The following MINDY2 variants were observed in gnomAD, a reference collection of about 807,000 sequenced individuals.
The protein encoded by MINDY2 is MINDY lysine 48 deubiquitinase 2.
In MINDY2, 52 loss-of-function variants were observed where a neutral mutation model predicts 68.2. The observed-to-expected ratio is 0.76, with a 90% CI of 0.61 to 0.96. The LOEUF (loss-of-function observed/expected upper bound fraction) is 0.96. MINDY2 is among the 40% of genes least tolerant of loss of function. The pLI, the probability that MINDY2 is intolerant of heterozygous loss-of-function variation, is 0.00. For missense variants in MINDY2, 881 were observed against 773.4 expected (o/e 1.14, Z -1.65); for synonymous variants, 372 against 303.0 (o/e 1.23, Z -2.36).
At chr15:58,783,011 C>G (rs1338656021) in intron 1 of MINDY2, among the ~76,000 whole-genome samples, 2 of 125,634 alleles carry the variant, frequency 1.6e-5, no homozygotes, top group Non-Finnish European at 3.2e-5. Context: ...CCTTTGTCTT[C>G]TGGGCCCAAG....
chr15:58,803,155 T>C (rs1210585568), intron 3 of MINDY2, among the ~76,000 whole-genome samples: 1 of 152,184 alleles, frequency 6.6e-6, no homozygotes, highest in Non-Finnish European at 1.5e-5. Context: ...GATAATCTAG[T>C]CTTAATAAAA....
chr15:58,824,415 TA>T (rs2031257988), intron 5 of MINDY2, among the ~76,000 whole-genome samples: 1 of 152,174 alleles, frequency 6.6e-6, no homozygotes, highest in Admixed American at 6.5e-5. Context: ...ACTTCCTTGA[TA>T]TATAAATTTC....
At chr15:58,827,311 G>C (rs181432504) in intron 5 of MINDY2, among the ~76,000 whole-genome samples, 1 of 152,052 alleles carries the variant, frequency 6.6e-6, no homozygotes, top group African/African-American at 2.4e-5. Context: ...GCATCCATTG[G>C]TTCTTGCCTG....
At chr15:58,837,368 T>C (rs1382940319) in intron 6 of MINDY2, among the ~76,000 whole-genome samples, 3 of 151,174 alleles carry the variant, frequency 2.0e-5, no homozygotes, top group Non-Finnish European at 4.4e-5. Context: ...AGGCCCAGAG[T>C]TCAAAGCCAG....
intron 1 of MINDY2, among the ~76,000 whole-genome samples, chr15:58,784,275 A>G (rs78172344): frequency 0.059 from 8,950 of 152,158 alleles, 908 homozygotes; most frequent in African/African-American, 0.2. Context: ...GCAGTGTGCC[A>G]TGATCCTGCC....
rs534493854 is a variant in MINDY2, at chr15:58,804,278, G to T, written c.963+1901G>T. On this transcript the variant is annotated intron_variant, in intron 3 of 8. Transcript: ENST00000559228. ...TCTTTTCAAATGAAATCTCATCCCAGCTTCCAATATATAAAACCAGTACAT... is the reference window on the plus strand; with the variant it reads ...TCTTTTCAAATGAAATCTCATCCCATCTTCCAATATATAAAACCAGTACAT... Among the ~76,000 whole-genome samples, 8 of 152,218 alleles carry T rather than the reference G, an allele frequency of 5.3e-5. No homozygotes were observed. In the South Asian group the frequency reaches 1.7e-3, roughly 32 times the overall value.
At chr15:58,807,488 T>TGA (rs1287584035) in intron 3 of MINDY2, among the ~76,000 whole-genome samples, 1 of 151,394 alleles carries the variant, frequency 6.6e-6, no homozygotes, top group African/African-American at 2.4e-5. Context: ...CCCGAGTAGC[T>TGA]GAGAGAGACT....
chr15:58,851,227 G>T (rs1382391772), intron 7 of MINDY2, among the ~76,000 whole-genome samples: 1 of 152,102 alleles, frequency 6.6e-6, no homozygotes, highest in Non-Finnish European at 1.5e-5. Flanking sequence ...ACCTGCCTTG[G>T]CCTCCCAAAG....
intron 2 of MINDY2, 26 bp downstream of exon 2, chr15:58,787,989 A>G (rs1901623788): frequency 6.5e-6 from 10 of 1,533,998 alleles, no homozygotes; most frequent in Non-Finnish European, 8.8e-6. Flanking sequence ...TGGATTTTAT[A>G]TCTCTTTCAA....
At chr15:58,836,104 G>A (rs1363784069) in intron 6 of MINDY2, among the ~76,000 whole-genome samples, 1 of 152,070 alleles carries the variant, frequency 6.6e-6, no homozygotes, top group African/African-American at 2.4e-5. Flanking sequence ...TAGAGACAGG[G>A]TTTCGCTGTG....
chr15:58,781,409 A>G (rs1901133736), intron 1 of MINDY2, among the ~76,000 whole-genome samples: 1 of 152,142 alleles, frequency 6.6e-6, no homozygotes, highest in African/African-American at 2.4e-5. Flanking sequence ...ATTGCTCTAA[A>G]ACACTTTGAA....
Position 58,831,921 on chromosome 15 carries a change from G to C in MINDY2, c.1368+5G>C. 1 of 1,607,032 alleles carries C rather than the reference G, an allele frequency of 6.2e-7. No individual in the cohort carries two copies. Among genetic ancestry groups the C allele is most frequent in the South Asian group, 1.1e-5 (1 of 89,322 alleles). ...AGCACCATGACCAAATACAAGGTAT[G>C]ATATAGAAATAGCTATTTAATCGTG... On this transcript the variant is annotated splice_donor_5th_base_variant and intron_variant, in intron 6 of 8. Coordinates refer to ENST00000559228, the MANE Select transcript of MINDY2 (RefSeq NM_001040450.3).
Position 58,833,303 on chromosome 15 carries a change from C to A in MINDY2, c.1368+1387C>A, listed in dbSNP as rs1382377131. 2.6e-5 allele frequency among the ~76,000 whole-genome samples: 4 copies of A among 152,154 alleles called. No individual in the cohort carries two copies. In the East Asian group the frequency reaches 5.8e-4, roughly 22 times the overall value. On this transcript the variant is annotated intron_variant, in intron 6 of 8. Coordinates refer to ENST00000559228, the MANE Select transcript of MINDY2 (RefSeq NM_001040450.3). Reference sequence around the variant, plus strand: ...CTGATAACTCTCCATCCCATACACACACTATACCTTCTAATTTCTGCACTT... The same window carrying A: ...CTGATAACTCTCCATCCCATACACAAACTATACCTTCTAATTTCTGCACTT...
At chr15:58,838,744 T>C (rs1299938853) in intron 6 of MINDY2, among the ~76,000 whole-genome samples, 2 of 151,522 alleles carry the variant, frequency 1.3e-5, no homozygotes, top group African/African-American at 4.9e-5. Context: ...GTACCACCAC[T>C]CCTGGCTTAT....
intron 3 of MINDY2, among the ~76,000 whole-genome samples, chr15:58,804,021 C>T (rs1304756553): frequency 6.7e-6 from 1 of 149,118 alleles, no homozygotes; most frequent in Non-Finnish European, 1.5e-5. Flanking sequence ...CCTAGCTACT[C>T]TGGAGGCTGA....
chr15:58,799,184 C>T (rs1902473839), intron 2 of MINDY2, among the ~76,000 whole-genome samples: 1 of 152,106 alleles, frequency 6.6e-6, no homozygotes, highest in Non-Finnish European at 1.5e-5. Flanking sequence ...GCCAGTCGTG[C>T]CAGAACAAAT....
intron 2 of MINDY2, among the ~76,000 whole-genome samples, chr15:58,789,583 G>C (rs910102532): frequency 3.3e-5 from 5 of 150,916 alleles, no homozygotes; most frequent in African/African-American, 1.2e-4. Context: ...TCAGCCTCCC[G>C]AGTAACTGGG....
At chr15:58,821,875 T>A in intron 5 of MINDY2, 56 bp downstream of exon 5, 1 of 1,177,340 alleles carries the variant, frequency 8.5e-7, no homozygotes, top group Admixed American at 2.4e-5. Flanking sequence ...ATAATTTTTC[T>A]TATAACTTAA....
At chr15:58,786,594 C>A (rs899422275) in intron 1 of MINDY2, among the ~76,000 whole-genome samples, 10 of 150,632 alleles carry the variant, frequency 6.6e-5, no homozygotes, top group South Asian at 2.1e-4. Context: ...TTACTTTTAA[C>A]CTTCTTATTG....
Sources: gnomAD v4.1 joint callset for allele counts (sites outside exome capture counted in the v4.1 genomes callset) on GRCh38, gnomAD v4.1.1 for gene constraint, MANE v1.5 for transcripts, NCBI Gene and HGNC (gene_info 2026-07-23, HGNC 2026-07-21) for gene names.